The following SLC30A8 variants were observed in gnomAD, a reference collection of about 807,000 sequenced individuals.
The protein encoded by SLC30A8 is solute carrier family 30 member 8, also known as proton-coupled zinc antiporter SLC30A8.
Under a neutral mutation model 36.9 loss-of-function variants are expected in SLC30A8, and 27 were observed. The ratio of observed to expected loss-of-function variants is 0.73; its 90% CI spans 0.54 to 1.01. The LOEUF is 1.01. Ranked by LOEUF, SLC30A8 falls within the 50% of genes least tolerant of loss-of-function variation. The probability of loss-of-function intolerance (pLI) is 0.00; values close to 1 mark genes in which losing one functional copy is unlikely to be tolerated. For missense variants in SLC30A8, 439 were observed against 452.0 expected (o/e 0.97, Z 0.26); for synonymous variants, 164 against 172.4 (o/e 0.95, Z 0.38).
intron 1 of SLC30A8, among the ~76,000 whole-genome samples, chr8:116,984,824 C>G (rs896930160): frequency 6.6e-6 from 1 of 151,966 alleles, no homozygotes; most frequent in African/African-American, 2.4e-5. Context: ...ATTCTCTTCC[C>G]TGGATCTTTC....
chr8:116,961,548 T>A (rs1474008753), intron 1 of SLC30A8, among the ~76,000 whole-genome samples: 1 of 151,960 alleles, frequency 6.6e-6, no homozygotes, highest in East Asian at 1.9e-4. Flanking sequence ...TGCAGAATGG[T>A]TGACAGTGGA....
chr8:117,146,001 T>G (rs1586584379), intron 1 of SLC30A8, among the ~76,000 whole-genome samples: 2 of 152,110 alleles, frequency 1.3e-5, no homozygotes, highest in South Asian at 4.1e-4. Flanking sequence ...CAAGGTTGAT[T>G]AATGGGTACA....
At chr8:117,166,766 ATTTTTTTT>A (rs71305462) in intron 6 of SLC30A8, among the ~76,000 whole-genome samples, 3 of 128,652 alleles carry the variant, frequency 2.3e-5, no homozygotes, top group Admixed American at 8.1e-5. Flanking sequence ...ACATTAGCTG[ATTTTTTTT>A]TTTTTTTTTT....
At position 117,163,453 on chromosome 8, in the gene SLC30A8, G is replaced by GCA. The variant is rs1189286639; in HGVS notation, c.755_756dup (p.Phe253HisfsTer16). 3.7e-6 allele frequency: 6 copies of GCA among 1,613,082 alleles called. No individual in the cohort carries two copies. Among genetic ancestry groups the GCA allele is most frequent in the Non-Finnish European group, 5.1e-6 (6 of 1,179,430 alleles). On this transcript the variant is annotated frameshift_variant, in exon 6 of 8. Transcript: ENST00000456015. LOFTEE classifies it high-confidence loss of function. Reference sequence around the variant, plus strand: ...GAGTATAAAATAGCCGACCCAATCTGCACATTCATCTTTTCCATCCTGGTC... The same window carrying GCA: ...GAGTATAAAATAGCCGACCCAATCTGCACACATTCATCTTTTCCATCCTGGTC...
intron 2 of SLC30A8, among the ~76,000 whole-genome samples, chr8:117,065,259 A>C (rs993741507): frequency 6.6e-6 from 1 of 152,172 alleles, no homozygotes; most frequent in Non-Finnish European, 1.5e-5. Context: ...ACTTTTCTCT[A>C]TGCTTAGTGA....
intron 2 of SLC30A8, among the ~76,000 whole-genome samples, chr8:117,058,424 G>A (rs1398942027): frequency 6.6e-6 from 1 of 151,996 alleles, no homozygotes; most frequent in Non-Finnish European, 1.5e-5. Context: ...TATTGCCTGT[G>A]CTTTTGGTGT....
rs750839622 is a variant in SLC30A8 at position 117,147,083 on chromosome 8, C to T, written c.201C>T (p.Tyr67=). 41 of 1,614,006 alleles carry T rather than the reference C, an allele frequency of 2.5e-5. No individual in the cohort carries two copies. The highest frequency in any genetic ancestry group is 1.5e-4 in the South Asian group (14 of 91,088). Residue 67 remains tyrosine, a synonymous_variant, in exon 2 of 8, where the codon TAC becomes TAT. Coordinates refer to ENST00000456015, the MANE Select transcript of SLC30A8 (RefSeq NM_173851.3). ...CCACAGAAAAGGGGGCGAATGAGTA[C>T]GCCTATGCCAAGTGGAAACTCTGTT... ...SKPTEKGANE[Y]AYAKWKLCSA...
In SLC30A8 at chr8:117,115,436, T is replaced by A. The variant is rs114906967; in HGVS notation, c.-225-19844T>A. 4.7e-3 allele frequency among the ~76,000 whole-genome samples: 710 copies of A among 152,224 alleles called. 2 individuals are homozygous for A. The highest frequency in any genetic ancestry group is 0.017 in the African/African-American group (686 of 41,542). ...TACTTCTTCTCTTGTCCTACTGCCA[T>A]TTTGAACTCCCTTGGTCCCCCTGCA... On this transcript the variant is annotated intron_variant, in intron 2 of 10. Coordinates refer to the SLC30A8 transcript ENST00000427715.
chr8:116,984,024 A>G (rs750338954), intron 1 of SLC30A8, among the ~76,000 whole-genome samples: 1 of 152,152 alleles, frequency 6.6e-6, no homozygotes, highest in Non-Finnish European at 1.5e-5. Context: ...GCCACCGCTA[A>G]TCTGTTATAC....
rs189897903 is a variant in SLC30A8 at position 116,985,119 on chromosome 8, C to T, written c.-266+34000C>T. Among the ~76,000 whole-genome samples the T allele has an allele frequency of 8.0e-4, 122 of 152,048 alleles. No individual in the cohort carries two copies. In the Middle Eastern group the frequency reaches 0.01, roughly 13 times the overall value. ...TTTAGATACAAGACTTTTTTACTAA[C>T]TAGTTTTATATTATAAAAATAACAT... is the stretch of plus-strand genomic sequence containing the variant. On this transcript the variant is annotated intron_variant, in intron 1 of 10. Transcript: ENST00000427715.
intron 6 of SLC30A8, among the ~76,000 whole-genome samples, chr8:117,170,673 G>C (rs867768795): frequency 6.6e-6 from 1 of 152,090 alleles, no homozygotes; most frequent in Non-Finnish European, 1.5e-5. Flanking sequence ...GTTGTCGTCA[G>C]GATGCTAACC....
intron 1 of SLC30A8, among the ~76,000 whole-genome samples, chr8:116,990,991 G>A (rs992174415): frequency 6.6e-6 from 1 of 152,136 alleles, no homozygotes; most frequent in Non-Finnish European, 1.5e-5. Flanking sequence ...AAATAATATA[G>A]ACCTGAAGAA....
intron 1 of SLC30A8, among the ~76,000 whole-genome samples, chr8:117,038,026 T>C (rs565434027): frequency 2.0e-5 from 3 of 152,302 alleles, no homozygotes; most frequent in African/African-American, 7.2e-5. Flanking sequence ...CAAATTAAGT[T>C]CTGGCTAGGG....
At chr8:117,150,850 C>T (rs1022968713) in intron 2 of SLC30A8, among the ~76,000 whole-genome samples, 2 of 152,118 alleles carry the variant, frequency 1.3e-5, no homozygotes, top group African/African-American at 4.8e-5. Flanking sequence ...CGTGATCCGC[C>T]CGCCTCTGCC....
intron 2 of SLC30A8, among the ~76,000 whole-genome samples, chr8:117,076,703 T>A (rs1049738105): frequency 9.8e-5 from 15 of 152,316 alleles, no homozygotes; most frequent in African/African-American, 3.4e-4. Context: ...CACTCTTTTT[T>A]AATCATTACC....
In SLC30A8 at chr8:117,167,492, TAC is replaced by T. The variant is rs756795807; in HGVS notation, c.830-3540_830-3539del. On this transcript the variant is annotated intron_variant, in intron 6 of 7. Coordinates refer to ENST00000456015, the MANE Select transcript of SLC30A8 (RefSeq NM_173851.3). ...ATTTGTGCATTTGCATATATATATA[TAC>T]ATACATACATGTATATGTATATGTG... 2.7e-4 allele frequency among the ~76,000 whole-genome samples: 41 copies of T among 149,248 alleles called. No homozygotes were observed. In the South Asian group the frequency reaches 4.2e-3, roughly 15 times the overall value.
At chr8:117,046,395 A>AAGTTATT (rs1563566988) in intron 2 of SLC30A8, among the ~76,000 whole-genome samples, 4 of 152,136 alleles carry the variant, frequency 2.6e-5, no homozygotes, top group Non-Finnish European at 4.4e-5. Flanking sequence ...AATTCCAAAC[A>AAGTTATT]TGTTATTTGG....
chr8:116,950,732 G>A (rs902630762), upstream of SLC30A8, among the ~76,000 whole-genome samples: 2 of 152,186 alleles, frequency 1.3e-5, no homozygotes, highest in African/African-American at 4.8e-5. Flanking sequence ...TTCATGCTAA[G>A]AAATATCTCA....
At chr8:116,956,585 T>G (rs539857519) in intron 1 of SLC30A8, among the ~76,000 whole-genome samples, 1 of 152,114 alleles carries the variant, frequency 6.6e-6, no homozygotes, top group African/African-American at 2.4e-5. Context: ...AAAAAAACAG[T>G]GTATATCTAT....
Sources: allele counts gnomAD v4.1 joint callset (sites outside exome capture counted in the v4.1 genomes callset), GRCh38; gene constraint gnomAD v4.1.1; transcripts MANE v1.5; gene names NCBI Gene and HGNC (gene_info 2026-07-23, HGNC 2026-07-21).